RABGAP1L: variants seen among roughly 807,000 people sequenced by gnomAD.
The protein encoded by RABGAP1L is rab GTPase-activating protein 1-like.
RABGAP1L carries 63 observed loss-of-function variants against 137.7 expected under a neutral mutation model. The observed-to-expected ratio is 0.46, with a 90% CI of 0.37 to 0.56. The LOEUF is 0.56. Ranked by LOEUF, RABGAP1L falls within the 20% of genes least tolerant of loss-of-function variation. The probability of loss-of-function intolerance (pLI) is 0.00; values close to 1 mark genes in which losing one functional copy is unlikely to be tolerated. For missense variants in RABGAP1L, 1,095 were observed against 1,244.0 expected (o/e 0.88, Z 1.80); for synonymous variants, 431 against 433.7 (o/e 0.99, Z 0.08).
intron 17 of RABGAP1L, among the ~76,000 whole-genome samples, chr1:174,725,007 A>G (rs941794537): frequency 2.0e-5 from 3 of 152,198 alleles, no homozygotes; most frequent in South Asian, 2.1e-4. Context: ...AGAGGTAGGT[A>G]GGACCCAAAT....
chr1:174,613,648 AC>A (rs1475214089), intron 13 of RABGAP1L, among the ~76,000 whole-genome samples: 1 of 152,002 alleles, frequency 6.6e-6, no homozygotes, highest in African/African-American at 2.4e-5. Flanking sequence ...TCTAATGTTG[AC>A]AGTGGGGTGT....
At position 174,994,567 on chromosome 1, in the gene RABGAP1L, A is replaced by G. The variant is rs987093506; in HGVS notation, c.*4566A>G. 2 of 152,226 alleles carry G rather than the reference A, an allele frequency of 1.3e-5. No individual in the cohort carries two copies. Among genetic ancestry groups the G allele is most frequent in the Non-Finnish European group, 1.5e-5 (1 of 68,034 alleles). The allele number at this position is 152,226 out of a possible 1,614,324, so 9.4% of individuals were successfully genotyped here. A position where few individuals can be genotyped will look rare whatever the true frequency, so the allele number is the denominator to read the frequency against. On this transcript the variant is annotated 3_prime_UTR_variant, in exon 26 of 26. Transcript: ENST00000681986. ...TGTAAAATCTTTTCCATTAAACTGT[A>G]TAACTTTTAATAACTATATATTATA... is the stretch of plus-strand genomic sequence containing the variant.
chr1:174,329,949 CA>C (rs60754983), intron 11 of RABGAP1L, among the ~76,000 whole-genome samples: 49,373 of 142,300 alleles, frequency 0.35, 9,909 homozygotes, highest in African/African-American at 0.58. Context: ...TGGTCTCCTG[CA>C]AAAAAAAAAA....
chr1:174,302,950 G>A (rs566153190), intron 10 of RABGAP1L, among the ~76,000 whole-genome samples: 1 of 151,606 alleles, frequency 6.6e-6, no homozygotes, highest in South Asian at 2.1e-4. Flanking sequence ...CAAATAATAA[G>A]AATAACTATT....
At chr1:174,422,356 G>A (rs553020714) in intron 13 of RABGAP1L, among the ~76,000 whole-genome samples, 8 of 151,752 alleles carry the variant, frequency 5.3e-5, no homozygotes, top group Middle Eastern at 6.8e-3. Context: ...AGATAATAAG[G>A]ATCATCAAGA....
At chr1:174,720,158 T>G (rs922322871) in intron 17 of RABGAP1L, among the ~76,000 whole-genome samples, 2 of 152,138 alleles carry the variant, frequency 1.3e-5, no homozygotes, top group Non-Finnish European at 2.9e-5. Context: ...CATTTGATTT[T>G]CAACAAGGAT....
chr1:174,695,274 G>T (rs557283591), intron 15 of RABGAP1L, among the ~76,000 whole-genome samples: 168 of 151,968 alleles, frequency 1.1e-3, no homozygotes, highest in African/African-American at 3.8e-3. Flanking sequence ...TCTAGATCTT[G>T]CAGGCATGCC....
intron 11 of RABGAP1L, among the ~76,000 whole-genome samples, chr1:174,357,734 T>C (rs1252551918): frequency 1.3e-5 from 2 of 152,200 alleles, no homozygotes. Context: ...TTAACCTGTC[T>C]CTCATCTTTC....
intron 13 of RABGAP1L, among the ~76,000 whole-genome samples, chr1:174,626,008 T>G (rs1672917168): frequency 6.6e-6 from 1 of 152,174 alleles, no homozygotes; most frequent in Non-Finnish European, 1.5e-5. Flanking sequence ...ATGAGAAATA[T>G]TTATAACTTC....
At chr1:174,619,524 A>C (rs926990075) in intron 13 of RABGAP1L, among the ~76,000 whole-genome samples, 2 of 152,206 alleles carry the variant, frequency 1.3e-5, no homozygotes, top group African/African-American at 2.4e-5. Flanking sequence ...CCAGAATTTC[A>C]TATCCAGCCA....
intron 11 of RABGAP1L, among the ~76,000 whole-genome samples, chr1:174,308,316 C>T (rs1019732816): frequency 6.6e-6 from 1 of 152,034 alleles, no homozygotes; most frequent in East Asian, 1.9e-4. Context: ...AATACTTTCT[C>T]TCATTCTGTA....
intron 19 of RABGAP1L, among the ~76,000 whole-genome samples, chr1:174,886,169 C>A (rs76881580): frequency 0.077 from 11,639 of 151,916 alleles, 623 homozygotes; most frequent in East Asian, 0.32. Flanking sequence ...TGCACCACCA[C>A]GCCTGGGTAA....
At chr1:174,933,364 C>A (rs1664187002) in intron 19 of RABGAP1L, among the ~76,000 whole-genome samples, 1 of 152,082 alleles carries the variant, frequency 6.6e-6, no homozygotes, top group Non-Finnish European at 1.5e-5. Context: ...TCTGCTTGGG[C>A]TCCAACACAT....
intron 19 of RABGAP1L, among the ~76,000 whole-genome samples, chr1:174,935,757 G>A (rs1201156214): frequency 2.6e-5 from 4 of 152,080 alleles, no homozygotes; most frequent in Admixed American, 6.5e-5. Context: ...CGAGGCGGGC[G>A]GATCACCTGA....
chr1:174,789,937 G>T (rs1687724835), intron 18 of RABGAP1L, among the ~76,000 whole-genome samples: 1 of 152,180 alleles, frequency 6.6e-6, no homozygotes, highest in Non-Finnish European at 1.5e-5. Flanking sequence ...GCCAGGTGTG[G>T]TGGCTCATGA....
chr1:174,900,329 T>C (rs1431751772), intron 19 of RABGAP1L, among the ~76,000 whole-genome samples: 3 of 152,220 alleles, frequency 2.0e-5, no homozygotes, highest in Non-Finnish European at 4.4e-5. Flanking sequence ...GTTTCAATAC[T>C]GTAGAGGTTT....
chr1:174,457,920 A>G (rs571890723), intron 13 of RABGAP1L, among the ~76,000 whole-genome samples: 9 of 152,300 alleles, frequency 5.9e-5, no homozygotes, highest in African/African-American at 1.7e-4. Context: ...TTCTCTGTCA[A>G]TCAAGTTAAT....
intron 13 of RABGAP1L, among the ~76,000 whole-genome samples, chr1:174,550,113 A>C (rs1407389353): frequency 6.6e-6 from 1 of 152,198 alleles, no homozygotes; most frequent in Non-Finnish European, 1.5e-5. Flanking sequence ...TACTACAGTA[A>C]TTGGTACCTC....
At chr1:174,767,609 C>T (rs112517727) in intron 18 of RABGAP1L, among the ~76,000 whole-genome samples, 5 of 151,864 alleles carry the variant, frequency 3.3e-5, no homozygotes, top group Non-Finnish European at 5.9e-5. Flanking sequence ...CTGCAAGCTC[C>T]GCCTCCCAGG....
Sources: allele counts gnomAD v4.1 joint callset (sites outside exome capture counted in the v4.1 genomes callset), GRCh38; gene constraint gnomAD v4.1.1; transcripts MANE v1.5; gene names NCBI Gene and HGNC (gene_info 2026-07-23, HGNC 2026-07-21).